TRPM8: variants seen among roughly 807,000 people sequenced by gnomAD.
The protein encoded by TRPM8 is transient receptor potential cation channel subfamily M member 8, also known as TRPM8 cationic channel.
A neutral mutation model predicts 133.7 loss-of-function variants in TRPM8; 110 were observed. The observed-to-expected ratio is 0.82, with a 90% CI of 0.70 to 0.96. The LOEUF is 0.96. TRPM8 is among the 40% of genes least tolerant of loss of function. TRPM8 has a pLI of 0.00. For missense variants in TRPM8, 1,291 were observed against 1,379.5 expected (o/e 0.94, Z 1.02); for synonymous variants, 535 against 532.3 (o/e 1.01, Z -0.07).
chr2:233,966,503 C>A, intron 14 of TRPM8, 107 bp from the exon 15 acceptor site: 2 of 1,383,416 alleles, frequency 1.4e-6, no homozygotes, highest in Non-Finnish European at 1.0e-6. Flanking sequence ...AATGGACTCA[C>A]GCACAGGCTA....
At chr2:234,001,705 AG>A (rs1165235895) in intron 22 of TRPM8, among the ~76,000 whole-genome samples, 2 of 152,246 alleles carry the variant, frequency 1.3e-5, no homozygotes, top group African/African-American at 2.4e-5. Flanking sequence ...CTCTTGCAGG[AG>A]GGGGTCAGTC....
chr2:233,946,936 T>TA (rs1691058142), intron 7 of TRPM8, 152 bp from the exon 8 acceptor site: 1 of 653,208 alleles, frequency 1.5e-6, no homozygotes, highest in African/African-American at 1.8e-5. Flanking sequence ...CATCCGTCTT[T>TA]AATGAGTGGA....
In TRPM8 at chr2:234,008,015, C is replaced by T. The variant is rs564616516; in HGVS notation, c.3231-55C>T. 4 of 1,559,460 alleles carry T rather than the reference C, an allele frequency of 2.6e-6. No homozygotes were observed. The East Asian group carries it at 6.8e-5, about 26-fold the overall frequency. On this transcript the variant is annotated intron_variant, in intron 23 of 25. Coordinates refer to ENST00000324695, the MANE Select transcript of TRPM8 (RefSeq NM_024080.5). ...GACTGCAAAATGGAGCCTAATAGCC[C>T]TCTCTCAATCTGTTTTTCTCTTGTT...
chr2:233,981,541 G>T (rs969411786), intron 18 of TRPM8, among the ~76,000 whole-genome samples: 2 of 152,054 alleles, frequency 1.3e-5, no homozygotes, highest in African/African-American at 4.8e-5. Flanking sequence ...GAACCTCCGA[G>T]AGCTCAGTTT....
chr2:234,005,958 A>ACACACT, intron 22 of TRPM8, among the ~76,000 whole-genome samples: 1 of 151,436 alleles, frequency 6.6e-6, no homozygotes, highest in African/African-American at 2.4e-5. Context: ...ACACACACAC[A>ACACACT]CACACACACA....
At chr2:234,001,446 A>T (rs1240589051) in intron 22 of TRPM8, among the ~76,000 whole-genome samples, 1 of 132,900 alleles carries the variant, frequency 7.5e-6, no homozygotes, top group East Asian at 2.2e-4. Context: ...AAGTAGGGGA[A>T]CAAAAGTTAG....
At chr2:233,970,542 A>T (rs1434528598) in intron 17 of TRPM8, 116 bp downstream of exon 17, 1 of 1,005,406 alleles carries the variant, frequency 9.9e-7, no homozygotes, top group Admixed American at 1.9e-5. Flanking sequence ...TTCCCAAAAT[A>T]AATGTTCTCT....
intron 22 of TRPM8, among the ~76,000 whole-genome samples, chr2:234,002,251 G>A (rs1692584522): frequency 6.6e-6 from 1 of 151,990 alleles, no homozygotes. Flanking sequence ...AGTTAAGAGA[G>A]GTAGGAGGAC....
At chr2:234,015,163 G>T (rs1400775834) in intron 25 of TRPM8, among the ~76,000 whole-genome samples, 1 of 152,082 alleles carries the variant, frequency 6.6e-6, no homozygotes, top group Non-Finnish European at 1.5e-5. Flanking sequence ...TTTAACAATA[G>T]CTCTTTTGCA....
chr2:234,015,103 T>C (rs752149126), intron 25 of TRPM8, among the ~76,000 whole-genome samples: 4 of 152,254 alleles, frequency 2.6e-5, no homozygotes, highest in Non-Finnish European at 5.9e-5. Context: ...TACAAATATG[T>C]TAATCATCTT....
At chr2:233,927,183 C>T (rs1460015668) in intron 2 of TRPM8, among the ~76,000 whole-genome samples, 2 of 152,194 alleles carry the variant, frequency 1.3e-5, no homozygotes, top group Non-Finnish European at 2.9e-5. Flanking sequence ...TCCAGCCTGA[C>T]ATCCAGTTCT....
chr2:233,923,753 C>G (rs573345772), intron 1 of TRPM8, among the ~76,000 whole-genome samples: 1 of 152,266 alleles, frequency 6.6e-6, no homozygotes, highest in South Asian at 2.1e-4. Context: ...AAGCACCTCA[C>G]TCTCTCTTCT....
At chr2:233,926,744 AT>A (rs2125038207) in intron 2 of TRPM8, 90 bp downstream of exon 2, 1 of 945,230 alleles carries the variant, frequency 1.1e-6, no homozygotes, top group African/African-American at 1.6e-5. Context: ...CTTTTAGAAC[AT>A]TTTAAATGCC....
At chr2:233,924,868 A>T (rs1443783268) in intron 1 of TRPM8, among the ~76,000 whole-genome samples, 2 of 152,234 alleles carry the variant, frequency 1.3e-5, no homozygotes, top group Non-Finnish European at 2.9e-5. Flanking sequence ...TGGTTTTGCA[A>T]TGATGTATGT....
chr2:233,967,870 C>A (rs950194854), intron 15 of TRPM8, among the ~76,000 whole-genome samples: 2 of 152,074 alleles, frequency 1.3e-5, no homozygotes, highest in Non-Finnish European at 2.9e-5. Flanking sequence ...GCCCCAAACC[C>A]TATCTCGCTT....
In TRPM8 at chr2:233,987,034, C is replaced by T. The variant is rs186437152; in HGVS notation, c.2939+1169C>T. 1.2e-4 allele frequency among the ~76,000 whole-genome samples: 18 copies of T among 152,264 alleles called. 1 individual carries two copies. Among genetic ancestry groups the T allele is most frequent in the Admixed American group, 1.2e-3 (18 of 15,308 alleles). On this transcript the variant is annotated intron_variant, in intron 21 of 25. Transcript: ENST00000324695. The stretch of plus-strand genomic sequence containing the variant: ...CTCACTTCCCATTCTTAGGAAAGTA[C>T]TTCAAAAATAGTTATTAAAGGAAAA...
intron 11 of TRPM8, among the ~76,000 whole-genome samples, chr2:233,957,418 G>A (rs1229471488): frequency 6.6e-6 from 1 of 151,946 alleles, no homozygotes; most frequent in African/African-American, 2.4e-5. Context: ...GAGCCCAGGA[G>A]GTGGAGGTTG....
At chr2:233,959,313 A>G (rs1039930252) in intron 11 of TRPM8, among the ~76,000 whole-genome samples, 2 of 135,344 alleles carry the variant, frequency 1.5e-5, no homozygotes. Flanking sequence ...GGTGTGAGCC[A>G]CCTCGCCCAG....
intron 21 of TRPM8, among the ~76,000 whole-genome samples, chr2:233,992,799 C>A (rs1253782353): frequency 6.6e-6 from 1 of 152,146 alleles, no homozygotes; most frequent in Non-Finnish European, 1.5e-5. Context: ...CGGGTGAGAC[C>A]CTGGGCATGA....
Sources: allele counts gnomAD v4.1 joint callset (sites outside exome capture counted in the v4.1 genomes callset), GRCh38; gene constraint gnomAD v4.1.1; transcripts MANE v1.5; gene names NCBI Gene and HGNC (gene_info 2026-07-23, HGNC 2026-07-21).